The following AMER3 variants were observed in gnomAD, a reference collection of about 807,000 sequenced individuals.
AMER3 encodes family with sequence similarity 123C.
For synonymous variants in AMER3, 541 were observed against 485.5 expected (o/e 1.11, Z -1.50); for missense variants, 1,201 against 1,139.4 (o/e 1.05, Z -0.78).
rs1678965587 is a variant in AMER3, at chr2:130,765,749, A to C, written c.*1091A>C. On this transcript the variant is annotated 3_prime_UTR_variant, in exon 2 of 2. Coordinates refer to ENST00000321420, the MANE Select transcript of AMER3 (RefSeq NM_152698.3). ...AAGAAAAGCCTGTCCCAGCTCTGAGAGAGAGACCAGTTTGCCTTCTTTATT... is the reference window on the plus strand; with the variant it reads ...AAGAAAAGCCTGTCCCAGCTCTGAGCGAGAGACCAGTTTGCCTTCTTTATT... The C allele has an allele frequency of 6.0e-6, 1 of 167,088 alleles. No individual in the cohort carries two copies. Among genetic ancestry groups the C allele is most frequent in the Admixed American group, 6.5e-5 (1 of 15,286 alleles). 10.4% of individuals were successfully genotyped at this position (167,088 alleles called of 1,614,324 possible).
At position 130,764,095 on chromosome 2, in the gene AMER3, G is replaced by A; in HGVS notation, c.2023G>A (p.Gly675Ser). The A allele has an allele frequency of 6.2e-7, 1 of 1,612,066 alleles. No individual in the cohort carries two copies. Among genetic ancestry groups the A allele is most frequent in the Non-Finnish European group, 8.5e-7 (1 of 1,179,410 alleles). Residue 675 changes from glycine (G) to serine (S), a missense_variant, in exon 2 of 2, where the codon GGC becomes AGC. By Grantham distance (56) the Gly-to-Ser change is moderately conservative. Transcript: ENST00000321420. ...TCTGGATGCAGAGCCCATGCTGGCA[G>A]GCTGTGTGGCCCGTGTGGCAGCCCT... is the stretch of plus-strand genomic sequence containing the variant. Reference protein sequence around the residue: ...DTLDAEPMLAGCVARVAALKI... With the variant: ...DTLDAEPMLASCVARVAALKI...
In AMER3 at chr2:130,767,166, G is replaced by A. The variant is rs1166964031; in HGVS notation, c.*2508G>A. 6.0e-6 allele frequency: 1 copy of A among 167,174 alleles called. No individual in the cohort carries two copies. Among genetic ancestry groups the A allele is most frequent in the Non-Finnish European group, 1.5e-5 (1 of 68,226 alleles). 10.4% of individuals were successfully genotyped at this position (167,174 alleles called of 1,614,324 possible). On this transcript the variant is annotated 3_prime_UTR_variant, in exon 2 of 2. Transcript: ENST00000321420. ...TGGCTGGTGTCTGTAGGAGGGACAG[G>A]TGTCCGTCCTGGGCCAGTGTCAGGC...
chr2:130,757,709 A>G (rs1678652215), intron 1 of AMER3, among the ~76,000 whole-genome samples: 2 of 152,294 alleles, frequency 1.3e-5, no homozygotes, highest in African/African-American at 4.8e-5. Context: ...TTTGGTTTAA[A>G]TATCACATCC....
chr2:130,764,741 T>G lies in AMER3; in HGVS notation c.*83T>G. On this transcript the variant is annotated 3_prime_UTR_variant, in exon 2 of 2. Transcript: ENST00000321420. ...CTAGGACTCAAATCTCTATCTTTTG[T>G]CCCTGATGTGGGGACTGTGTTGGGG... The G allele has an allele frequency of 8.0e-6, 11 of 1,381,040 alleles. No homozygotes were observed. The highest frequency in any genetic ancestry group is 1.5e-5 in the African/African-American group (1 of 68,444). 85.5% of individuals were successfully genotyped at this position (1,381,040 alleles called of 1,614,324 possible). A position where few individuals can be genotyped will look rare whatever the true frequency, so the allele number is the denominator to read the frequency against.
chr2:130,763,627 C>A lies in AMER3; in HGVS notation c.1555C>A (p.Arg519Ser). The A allele has an allele frequency of 6.4e-7, 1 of 1,552,554 alleles. No individual in the cohort carries two copies. Among genetic ancestry groups the A allele is most frequent in the Admixed American group, 1.9e-5 (1 of 52,790 alleles). ...CTGGCTGCGCCGAGGCCCCACGCCCCGTGCCCCACCCACCCCTGGGCAGCC... is the reference window on the plus strand; with the variant it reads ...CTGGCTGCGCCGAGGCCCCACGCCCAGTGCCCCACCCACCCCTGGGCAGCC... ...VSWLRRGPTP[R>S]APPTPGQPAA... Residue 519 changes from arginine to serine, a missense_variant, in exon 2 of 2, where the codon CGT becomes AGT. Coordinates refer to ENST00000321420, the MANE Select transcript of AMER3 (RefSeq NM_152698.3).
At position 130,762,081 on chromosome 2, in the gene AMER3, G is replaced by A. The variant is rs762477167; in HGVS notation, c.9G>A (p.Leu3=). ME[L]KRGKTFIKSS... is the part of the protein sequence containing the mutation. Reference sequence around the variant, plus strand: ...GCTGGGGCACTGGCAGCATGGAGCTGAAGAGAGGAAAGACCTTCATCAAGT... The same window carrying A: ...GCTGGGGCACTGGCAGCATGGAGCTAAAGAGAGGAAAGACCTTCATCAAGT... The change falls in exon 2 of 2, where the codon CTG becomes CTA. Residue 3 remains leucine, a synonymous_variant. Transcript: ENST00000321420. The A allele has an allele frequency of 1.2e-6, 2 of 1,610,536 alleles. No individual in the cohort carries two copies. Among genetic ancestry groups the A allele is most frequent in the South Asian group, 1.1e-5 (1 of 90,420 alleles).
At position 130,757,121 on chromosome 2, in the gene AMER3, A is replaced by C. The variant is rs1422632058; in HGVS notation, c.-20+1447A>C. ...CAGGGTTTTTATTTTGCTCCATGAA[A>C]TCAAACACCGGGACACTTTCAGGTT... On this transcript the variant is annotated intron_variant, in intron 1 of 1. Coordinates refer to ENST00000321420, the MANE Select transcript of AMER3 (RefSeq NM_152698.3). Among the ~76,000 whole-genome samples, 3 of 152,142 alleles carry C rather than the reference A, an allele frequency of 2.0e-5. No homozygotes were observed. In the East Asian group the frequency reaches 5.8e-4, roughly 29 times the overall value.
Position 130,761,254 on chromosome 2 carries a change from G to T in AMER3, c.-19-800G>T, listed in dbSNP as rs2566733. 6.5e-3 allele frequency among the ~76,000 whole-genome samples: 989 copies of T among 152,322 alleles called. 13 individuals carry two copies. The highest frequency in any genetic ancestry group is 0.023 in the African/African-American group (957 of 41,572). On this transcript the variant is annotated intron_variant, in intron 1 of 1. Coordinates refer to ENST00000321420, the MANE Select transcript of AMER3 (RefSeq NM_152698.3). ...CAATTGGCTAGCACTGCTGCCATCT[G>T]TCCACCTCCATGCCCAGGGCAGATC... is the stretch of plus-strand genomic sequence containing the variant.
rs748696434 is a variant in AMER3 at position 130,763,743 on chromosome 2, G to A, written c.1671G>A (p.Ala557=). The A allele has an allele frequency of 2.5e-6, 4 of 1,586,394 alleles. No homozygotes were observed. The highest frequency in any genetic ancestry group is 2.2e-5 in the East Asian group (1 of 44,512). Residue 557 remains alanine, a synonymous_variant, in exon 2 of 2, where the codon GCG becomes GCA. Transcript: ENST00000321420. The part of the protein sequence containing the change: ...REGLASDAGG[A]TVCSAPSRQE... ...GCCTGGCCTCAGATGCAGGGGGGGC[G>A]ACAGTTTGCTCAGCACCCAGCAGGC... is the stretch of plus-strand genomic sequence containing the variant.
rs969841260 is a variant in AMER3 at position 130,765,367 on chromosome 2, A to C, written c.*709A>C. 2.4e-5 allele frequency: 4 copies of C among 167,040 alleles called. No individual in the cohort carries two copies. Among genetic ancestry groups the C allele is most frequent in the African/African-American group, 9.6e-5 (4 of 41,458 alleles). The allele number at this position is 167,040 out of a possible 1,614,324, so 10.3% of individuals were successfully genotyped here. A position where few individuals can be genotyped will look rare whatever the true frequency, so the allele number is the denominator to read the frequency against. On this transcript the variant is annotated 3_prime_UTR_variant, in exon 2 of 2. Transcript: ENST00000321420. ...GGGAAATGTATACATGCATGTCACT[A>C]TGCTTGGTAATTGTGTGCACCTCGC...
rs769857228 is a variant in AMER3 at position 130,763,590 on chromosome 2, G to A, written c.1518G>A (p.Met506Ile). 1.2e-6 allele frequency: 2 copies of A among 1,608,444 alleles called. No individual in the cohort carries two copies. Among genetic ancestry groups the A allele is most frequent in the South Asian group, 2.2e-5 (2 of 90,276 alleles). Residue 506 changes from methionine (M) to isoleucine (I), a missense_variant, in exon 2 of 2, where the codon ATG becomes ATA. Physicochemically the swap from Met to Ile is conservative, Grantham distance 10 (BLOSUM62 1). Coordinates refer to ENST00000321420, the MANE Select transcript of AMER3 (RefSeq NM_152698.3). ...KLCDTELAIT[M>I]GIVSWLRRGP... Reference sequence around the variant, plus strand: ...GTGACACTGAGCTCGCCATCACCATGGGCATCGTCAGCTGGCTGCGCCGAG... The same window carrying A: ...GTGACACTGAGCTCGCCATCACCATAGGCATCGTCAGCTGGCTGCGCCGAG...
rs1426543217 is a variant in AMER3, at chr2:130,766,952, T to A, written c.*2294T>A. The A allele has an allele frequency of 6.0e-6, 1 of 167,086 alleles. No individual in the cohort carries two copies. Among genetic ancestry groups the A allele is most frequent in the Non-Finnish European group, 1.5e-5 (1 of 68,134 alleles). 10.4% of individuals were successfully genotyped at this position (167,086 alleles called of 1,614,324 possible). On this transcript the variant is annotated 3_prime_UTR_variant, in exon 2 of 2. Transcript: ENST00000321420. ...GAGCCATGGATGGCCAAATGCTTTT[T>A]GGGAAGAAGCCAATGGATTCTCCTC...
intron 1 of AMER3, 71 bp from the exon 2 acceptor site, chr2:130,761,983 G>T (rs1456727571): frequency 5.0e-6 from 7 of 1,397,664 alleles, no homozygotes; most frequent in Non-Finnish European, 6.8e-6. Context: ...TGTGAGAGGG[G>T]TAGGCAGGGT....
At position 130,762,258 on chromosome 2, in the gene AMER3, C is replaced by T. The variant is rs369336031; in HGVS notation, c.186C>T (p.Tyr62=). 64 of 1,577,026 alleles carry T rather than the reference C, an allele frequency of 4.1e-5. No homozygotes were observed. Among genetic ancestry groups the T allele is most frequent in the Middle Eastern group, 3.4e-4 (2 of 5,940 alleles). The change falls in exon 2 of 2, where the codon TAC becomes TAT. Residue 62 remains tyrosine (Y), a synonymous_variant. Coordinates refer to ENST00000321420, the MANE Select transcript of AMER3 (RefSeq NM_152698.3). Reference sequence around the variant, plus strand: ...AAGCCAGCCCCAGTGCCCAAGAATACGACAGATGCCCCAACAAAGGGGCGC... The same window carrying T: ...AAGCCAGCCCCAGTGCCCAAGAATATGACAGATGCCCCAACAAAGGGGCGC... ...GPQASPSAQE[Y]DRCPNKGAQL...
At position 130,764,983 on chromosome 2, in the gene AMER3, A is replaced by G. The variant is rs1221112373; in HGVS notation, c.*325A>G. The stretch of plus-strand genomic sequence containing the variant: ...GTAAATGGGAAGCAGAGAGCCAATG[A>G]GTCTGCCTGGGATGTGTGTGAATCC... On this transcript the variant is annotated 3_prime_UTR_variant, in exon 2 of 2. Transcript: ENST00000321420. 3.6e-6 allele frequency: 1 copy of G among 280,012 alleles called. No homozygotes were observed. Among genetic ancestry groups the G allele is most frequent in the Admixed American group, 4.8e-5 (1 of 20,964 alleles). 17.3% of individuals were successfully genotyped at this position (280,012 alleles called of 1,614,324 possible). A position where few individuals can be genotyped will look rare whatever the true frequency, so the allele number is the denominator to read the frequency against.
At position 130,763,368 on chromosome 2, in the gene AMER3, T is replaced by C. The variant is rs780252387; in HGVS notation, c.1296T>C (p.Gly432=). Residue 432 remains glycine (G), a synonymous_variant, in exon 2 of 2, where the codon GGT becomes GGC. Coordinates refer to ENST00000321420, the MANE Select transcript of AMER3 (RefSeq NM_152698.3). The part of the protein sequence containing the change: ...LYELFHDPSE[G]PLGPSPDDDL... ...AGCTCTTCCACGACCCCAGCGAGGG[T>C]CCTCTTGGCCCCAGCCCAGATGATG... 4 of 1,613,070 alleles carry C rather than the reference T, an allele frequency of 2.5e-6. No individual in the cohort carries two copies. In the East Asian group the frequency reaches 8.9e-5, roughly 36 times the overall value.
chr2:130,759,842 G>A (rs1000128977), intron 1 of AMER3, among the ~76,000 whole-genome samples: 7 of 152,170 alleles, frequency 4.6e-5, no homozygotes, highest in Non-Finnish European at 8.8e-5. Flanking sequence ...TTTATCCTTT[G>A]TAAAATGGGG....
At position 130,762,720 on chromosome 2, in the gene AMER3, C is replaced by T; in HGVS notation, c.648C>T (p.Asp216=). 6.2e-7 allele frequency: 1 copy of T among 1,612,028 alleles called. No individual in the cohort carries two copies. The highest frequency in any genetic ancestry group is 8.5e-7 in the Non-Finnish European group (1 of 1,179,602). The stretch of plus-strand genomic sequence containing the variant: ...CGGGGCTGGACGGCCTGTGCCAGGA[C>T]CTGTTGGACAGCGAGCTCCTGGCCG... ...EGPGLDGLCQ[D]LLDSELLADA... is the part of the protein sequence containing the mutation. Residue 216 remains aspartate, a synonymous_variant, in exon 2 of 2, where the codon GAC becomes GAT. Coordinates refer to ENST00000321420, the MANE Select transcript of AMER3 (RefSeq NM_152698.3).
At position 130,764,176 on chromosome 2, in the gene AMER3, G is replaced by C. The variant is rs1238276647; in HGVS notation, c.2104G>C (p.Gly702Arg). 6.2e-7 allele frequency: 1 copy of C among 1,607,994 alleles called. No homozygotes were observed. The highest frequency in any genetic ancestry group is 8.5e-7 in the Non-Finnish European group (1 of 1,176,668). ...CGCATGGCCTCCAAGGCAAGACATG[G>C]GCAGTGGGCTCTTTGGGCAGCGCTG... The part of the protein sequence containing the change: ...PAAWPPRQDM[G>R]SGLFGQRWAR... Residue 702 changes from glycine to arginine, a missense_variant, in exon 2 of 2, where the codon GGC becomes CGC. Physicochemically the swap from Gly to Arg is moderately radical, Grantham distance 125 (BLOSUM62 -2). Coordinates refer to ENST00000321420, the MANE Select transcript of AMER3 (RefSeq NM_152698.3).
Sources: gnomAD v4.1 joint callset for allele counts (sites outside exome capture counted in the v4.1 genomes callset) on GRCh38, gnomAD v4.1.1 for gene constraint, MANE v1.5 for transcripts, NCBI Gene and HGNC (gene_info 2026-07-23, HGNC 2026-07-21) for gene names.